The following ABCA12 variants were observed in gnomAD, a reference collection of about 807,000 sequenced individuals.
ABCA12 encodes the protein glucosylceramide transporter ABCA12.
Under a neutral mutation model 293.5 loss-of-function variants are expected in ABCA12, and 156 were observed. That is an observed-to-expected ratio of 0.53 (90% confidence interval 0.47 to 0.61). The LOEUF (loss-of-function observed/expected upper bound fraction) is 0.61. Ranked by LOEUF, ABCA12 falls within the 20% of genes least tolerant of loss-of-function variation. The pLI, the probability that ABCA12 is intolerant of heterozygous loss-of-function variation, is 0.00. For missense variants in ABCA12, 2,797 were observed against 3,090.2 expected, an observed-to-expected ratio of 0.91 and a Z score of 2.25; for synonymous variants, 1,063 against 1,108.0, an observed-to-expected ratio of 0.96 and a Z score of 0.81.
At position 214,987,804 on chromosome 2, in the gene ABCA12, A is replaced by G. The variant is rs1213367775; in HGVS notation, c.3830-11T>C. 1 of 1,612,636 alleles carries G rather than the reference A, an allele frequency of 6.2e-7. No homozygotes were observed. The highest frequency in any genetic ancestry group is 8.5e-7 in the Non-Finnish European group (1 of 1,179,352). On this transcript the variant is annotated splice_polypyrimidine_tract_variant and intron_variant, in intron 26 of 52. Coordinates refer to ENST00000272895, the MANE Select transcript of ABCA12 (RefSeq NM_173076.3). ...CCATACCGTATGTCCCTGGAATAAAAATATATCAGGAACAGTGAGTTTTAG... is the reference window on the plus strand; with the variant it reads ...CCATACCGTATGTCCCTGGAATAAAGATATATCAGGAACAGTGAGTTTTAG...
chr2:214,984,105 T>TTTTC (rs1375906163), intron 28 of ABCA12, among the ~76,000 whole-genome samples: 4 of 137,186 alleles, frequency 2.9e-5, no homozygotes, highest in African/African-American at 1.1e-4. Flanking sequence ...TTTTTTTTTT[T>TTTTC]TTTTTTTTTG....
chr2:215,007,964 TA>T, intron 18 of ABCA12, 118 bp from the exon 19 acceptor site: 1 of 1,313,492 alleles, frequency 7.6e-7, no homozygotes, highest in Non-Finnish European at 1.1e-6. Flanking sequence ...AACATGAAGT[TA>T]GTACAAACAA....
Position 214,980,527 on chromosome 2 carries a change from C to T in ABCA12, c.4696G>A (p.Glu1566Lys), listed in dbSNP as rs537765994. The T allele has an allele frequency of 6.2e-7, 1 of 1,613,970 alleles. No individual in the cohort carries two copies. The highest frequency in any genetic ancestry group is 2.2e-5 in the East Asian group (1 of 44,870). ...AGGTGATACCCATCGCCAAAGGCTT[C>T]CTTGAGGTAAAATGGGGACCCACAG... The part of the protein sequence containing the change: ...RCCGSPFYLK[E>K]AFGDGYHLTL... The change falls in exon 31 of 53, where the codon GAA becomes AAA. Residue 1566 changes from glutamate (E) to lysine (K), a missense_variant. By Grantham distance (56) the Glu-to-Lys change is moderately conservative. This residue lies in a region of ABCA12 where 2,130 missense variants were observed against 2,427.0 expected (regional missense o/e 0.88). Coordinates refer to ENST00000272895, the MANE Select transcript of ABCA12 (RefSeq NM_173076.3).
intron 11 of ABCA12, 45 bp downstream of exon 11, chr2:215,025,628 G>GTTTTTTTTTGTTTTTTTTTTT: frequency 1.7e-6 from 2 of 1,203,794 alleles, no homozygotes; most frequent in Non-Finnish European, 2.3e-6. Context: ...TTGTCTTTTT[G>GTTTTTTTTTGTTTTTTTTTTT]TTTTTTTTTT....
chr2:215,042,532 C>G (rs1271695532), intron 7 of ABCA12, among the ~76,000 whole-genome samples: 1 of 152,144 alleles, frequency 6.6e-6, no homozygotes, highest in African/African-American at 2.4e-5. Context: ...CAGGCATAAG[C>G]CACTGCACTC....
intron 23 of ABCA12, among the ~76,000 whole-genome samples, chr2:214,995,901 CAGAG>C (rs144288891): frequency 6.6e-6 from 1 of 150,980 alleles, no homozygotes; most frequent in African/African-American, 2.4e-5. Flanking sequence ...TCTGTTCTGG[CAGAG>C]AGAGAGAGAG....
intron 2 of ABCA12, among the ~76,000 whole-genome samples, chr2:215,106,762 A>C (rs1405029113): frequency 6.6e-6 from 1 of 152,052 alleles, no homozygotes; most frequent in East Asian, 1.9e-4. Context: ...AAAAAAAAAA[A>C]AAAGTCAGGC....
At chr2:214,947,393 G>T in intron 48 of ABCA12, 29 bp downstream of exon 48, 1 of 1,613,492 alleles carries the variant, frequency 6.2e-7, no homozygotes, top group Non-Finnish European at 8.5e-7. Context: ...TAATTATGGA[G>T]TGGCCTGTTT....
At position 215,082,306 on chromosome 2, in the gene ABCA12, C is replaced by T. The variant is rs372324123; in HGVS notation, c.164-18087G>A. Among the ~76,000 whole-genome samples, 77 of 151,802 alleles carry T rather than the reference C, an allele frequency of 5.1e-4. No individual in the cohort carries two copies. In the Middle Eastern group the frequency reaches 0.024, roughly 47 times the overall value. ...GATCCACCTGCCTCGGCCTCCCAAACGGCTAAAATTGTTAATTCTTCCTGG... is the reference window on the plus strand; with the variant it reads ...GATCCACCTGCCTCGGCCTCCCAAATGGCTAAAATTGTTAATTCTTCCTGG... On this transcript the variant is annotated intron_variant, in intron 2 of 52. Transcript: ENST00000272895.
intron 50 of ABCA12, among the ~76,000 whole-genome samples, chr2:214,941,219 T>C (rs750815531): frequency 2.8e-4 from 42 of 152,200 alleles, no homozygotes; most frequent in Non-Finnish European, 4.4e-4. Flanking sequence ...ATTTCATTAT[T>C]TACCCAGTAG....
intron 2 of ABCA12, among the ~76,000 whole-genome samples, chr2:215,104,531 A>G (rs1337715054): frequency 6.6e-6 from 1 of 152,150 alleles, no homozygotes; most frequent in Non-Finnish European, 1.5e-5. Context: ...ACAGCTCTGC[A>G]CGGGACACTG....
In ABCA12 at chr2:214,974,104, T is replaced by C; in HGVS notation, c.5469-62A>G. 4.3e-6 allele frequency: 6 copies of C among 1,390,658 alleles called. No homozygotes were observed. In the East Asian group the frequency reaches 1.1e-4, roughly 27 times the overall value. 86.1% of individuals were successfully genotyped at this position (1,390,658 alleles called of 1,614,324 possible). ...GTATATGTGTTCTCATGTTTACATA[T>C]GAGCATGTAAACAAGTATTTGGTAT... is the stretch of plus-strand genomic sequence containing the variant. On this transcript the variant is annotated intron_variant, in intron 35 of 52. Coordinates refer to ENST00000272895, the MANE Select transcript of ABCA12 (RefSeq NM_173076.3).
chr2:215,005,773 C>A (rs1700240918), intron 19 of ABCA12, among the ~76,000 whole-genome samples: 1 of 152,146 alleles, frequency 6.6e-6, no homozygotes, highest in Non-Finnish European at 1.5e-5. Context: ...ATGCTAAAAA[C>A]CCTGATTTGA....
At chr2:215,048,162 A>G (rs1400288704) in intron 6 of ABCA12, among the ~76,000 whole-genome samples, 1 of 152,098 alleles carries the variant, frequency 6.6e-6, no homozygotes, top group Non-Finnish European at 1.5e-5. Flanking sequence ...AAAGTCAAAA[A>G]ATAACAGATG....
intron 3 of ABCA12, among the ~76,000 whole-genome samples, chr2:215,056,608 CA>C (rs1350572290): frequency 6.6e-6 from 1 of 151,998 alleles, no homozygotes; most frequent in Non-Finnish European, 1.5e-5. Context: ...TTTGCATTGA[CA>C]AGGTGTGGTG....
intron 19 of ABCA12, 26 bp downstream of exon 19, chr2:215,007,701 A>C: frequency 6.2e-7 from 1 of 1,613,610 alleles, no homozygotes; most frequent in Non-Finnish European, 8.5e-7. Flanking sequence ...ATTCCTACTA[A>C]GTTGAATGAC....
At chr2:214,993,503 T>C (rs932222249) in intron 23 of ABCA12, among the ~76,000 whole-genome samples, 4 of 152,366 alleles carry the variant, frequency 2.6e-5, no homozygotes, top group Admixed American at 6.5e-5. Context: ...CCTGTTCCAA[T>C]ATGATATGTT....
chr2:215,112,848 C>T (rs1188148403), intron 1 of ABCA12, among the ~76,000 whole-genome samples: 1 of 152,082 alleles, frequency 6.6e-6, no homozygotes, highest in East Asian at 1.9e-4. Flanking sequence ...AGCTGCTTTT[C>T]CTCCCCGTGT....
chr2:214,942,647 T>G (rs1698444792), intron 50 of ABCA12, among the ~76,000 whole-genome samples: 1 of 152,332 alleles, frequency 6.6e-6, no homozygotes, highest in Admixed American at 6.5e-5. Flanking sequence ...CTGTTTATTA[T>G]TTATTCATTT....
Sources: allele counts gnomAD v4.1 joint callset (sites outside exome capture counted in the v4.1 genomes callset), GRCh38; gene constraint gnomAD v4.1.1; regional missense constraint gnomAD v4.1.1; transcripts MANE v1.5; gene names NCBI Gene and HGNC (gene_info 2026-07-23, HGNC 2026-07-21).